The following BBS9 variants were observed in gnomAD, a reference collection of about 807,000 sequenced individuals.
BBS9 encodes the protein protein PTHB1.
In BBS9, 89 loss-of-function variants were observed where a neutral mutation model predicts 117.7. The observed-to-expected ratio is 0.76, with a 90% CI of 0.64 to 0.90. BBS9 has a LOEUF of 0.90. Among genes scored for constraint, BBS9 ranks in the 40% least tolerant of loss-of-function variants. The pLI is 0.00. For missense variants in BBS9, 982 were observed against 1,042.2 expected (o/e 0.94, Z 0.80); for synonymous variants, 379 against 370.9 (o/e 1.02, Z -0.25).
At chr7:33,558,990 T>C (rs114017392) in intron 21 of BBS9, among the ~76,000 whole-genome samples, 3,578 of 152,328 alleles carry the variant, frequency 0.023, 48 homozygotes, top group East Asian at 0.046. Flanking sequence ...CTAAGTACAA[T>C]TGGGCCCAAC....
chr7:33,384,704 G>C (rs1825704997), intron 18 of BBS9, among the ~76,000 whole-genome samples: 1 of 144,150 alleles, frequency 6.9e-6, no homozygotes, highest in Non-Finnish European at 1.5e-5. Flanking sequence ...GTGTCTGTGT[G>C]TGTGTGTGTG....
chr7:33,131,947 T>C (rs918894190), intron 1 of BBS9, among the ~76,000 whole-genome samples: 2 of 152,202 alleles, frequency 1.3e-5, no homozygotes, highest in African/African-American at 4.8e-5. Context: ...GTGAAGAGTA[T>C]AGAAGAGAAT....
At chr7:33,497,384 A>G (rs1440770862) in intron 19 of BBS9, among the ~76,000 whole-genome samples, 2 of 152,156 alleles carry the variant, frequency 1.3e-5, no homozygotes, top group Non-Finnish European at 2.9e-5. Context: ...CCCAGCATTT[A>G]TGGGACACCC....
At chr7:33,441,738 T>C (rs1469769122) in intron 19 of BBS9, among the ~76,000 whole-genome samples, 1 of 152,188 alleles carries the variant, frequency 6.6e-6, no homozygotes, top group Admixed American at 6.5e-5. Flanking sequence ...ATTACCTTTT[T>C]GATTTGATTT....
intron 20 of BBS9, among the ~76,000 whole-genome samples, chr7:33,521,340 G>A (rs1278498995): frequency 2.6e-5 from 4 of 152,188 alleles, no homozygotes; most frequent in African/African-American, 9.7e-5. Context: ...GCTTGTATTT[G>A]TTAAGGAGGT....
intron 21 of BBS9, among the ~76,000 whole-genome samples, chr7:33,597,312 A>G (rs1863015629): frequency 6.6e-6 from 1 of 152,140 alleles, no homozygotes; most frequent in Admixed American, 6.5e-5. Context: ...ACTGGTGTAT[A>G]TTTTTGAGGT....
At chr7:33,196,875 T>C (rs1384568360) in intron 5 of BBS9, among the ~76,000 whole-genome samples, 2 of 152,198 alleles carry the variant, frequency 1.3e-5, no homozygotes, top group African/African-American at 2.4e-5. Context: ...AGTGATTTCC[T>C]GTATGTTATG....
At chr7:33,365,691 G>A (rs1034338165) in intron 16 of BBS9, among the ~76,000 whole-genome samples, 1 of 152,196 alleles carries the variant, frequency 6.6e-6, no homozygotes, top group East Asian at 1.9e-4. Flanking sequence ...ATGTGTAAAG[G>A]GACTTTGGTT....
At chr7:33,306,862 C>G (rs1009859482) in intron 9 of BBS9, among the ~76,000 whole-genome samples, 1 of 152,094 alleles carries the variant, frequency 6.6e-6, no homozygotes, top group Non-Finnish European at 1.5e-5. Flanking sequence ...CCCTGTGACT[C>G]TAGCATGATA....
intron 9 of BBS9, among the ~76,000 whole-genome samples, chr7:33,288,561 A>G (rs1257931899): frequency 6.6e-6 from 1 of 152,248 alleles, no homozygotes; most frequent in Non-Finnish European, 1.5e-5. Context: ...TGCTTAGTGA[A>G]GAAAGACTTA....
intron 21 of BBS9, among the ~76,000 whole-genome samples, chr7:33,597,862 G>A (rs1863109299): frequency 6.9e-6 from 1 of 145,464 alleles, no homozygotes. Context: ...TGCAGAAAGT[G>A]CATGTATACC....
intron 19 of BBS9, among the ~76,000 whole-genome samples, chr7:33,477,298 G>C (rs183288993): frequency 1.3e-5 from 2 of 152,212 alleles, no homozygotes; most frequent in Admixed American, 1.3e-4. Flanking sequence ...GATTGAGCCA[G>C]GCAGTCACTT....
rs80223794 is a variant in BBS9 at position 33,443,815 on chromosome 7, G to A, written c.2115+55671G>A. Among the ~76,000 whole-genome samples, 45 of 152,262 alleles carry A rather than the reference G, an allele frequency of 3.0e-4. 1 individual carries two copies. In the East Asian group the frequency reaches 8.7e-3, roughly 29 times the overall value. On this transcript the variant is annotated intron_variant, in intron 19 of 22. Coordinates refer to ENST00000242067, the MANE Select transcript of BBS9 (RefSeq NM_198428.3). ...ACTTTTAAAAAATTACTTTACTTGA[G>A]ACAAGTTTAAGGCAATAAAGTGAAT...
chr7:33,588,249 G>T (rs1277893247), intron 21 of BBS9, among the ~76,000 whole-genome samples: 8 of 152,046 alleles, frequency 5.3e-5, no homozygotes, highest in Admixed American at 5.2e-4. Flanking sequence ...CTAAAGCAAA[G>T]AACTTTTTGA....
At chr7:33,368,715 G>T (rs575482043) in intron 17 of BBS9, among the ~76,000 whole-genome samples, 6 of 151,838 alleles carry the variant, frequency 4.0e-5, no homozygotes, top group Non-Finnish European at 7.4e-5. Flanking sequence ...TGCATTTGCA[G>T]TTGTAGTTGG....
In BBS9 at chr7:33,467,572, G is replaced by A. The variant is rs1189293079; in HGVS notation, c.2116-37891G>A. ...AGTGCTGTGGGAACCCCCCAACTCC[G>A]CCACCTCCACTATTGTAGTTGTTTT... On this transcript the variant is annotated intron_variant, in intron 19 of 22. Coordinates refer to ENST00000242067, the MANE Select transcript of BBS9 (RefSeq NM_198428.3). Among the ~76,000 whole-genome samples the A allele has an allele frequency of 1.4e-3, 132 of 91,682 alleles. 1 individual carries two copies. Among genetic ancestry groups the A allele is most frequent in the African/African-American group, 6.6e-3 (127 of 19,152 alleles). 60.1% of individuals were successfully genotyped at this position (91,682 alleles called of 152,430 possible).
chr7:33,526,086 T>C (rs1217178909), intron 20 of BBS9, among the ~76,000 whole-genome samples: 3 of 151,630 alleles, frequency 2.0e-5, no homozygotes, highest in South Asian at 2.1e-4. Flanking sequence ...CTCCACTCTC[T>C]TCTGGCTTGT....
At chr7:33,313,395 G>T (rs1809738208) in intron 9 of BBS9, among the ~76,000 whole-genome samples, 1 of 152,020 alleles carries the variant, frequency 6.6e-6, no homozygotes, top group African/African-American at 2.4e-5. Flanking sequence ...AACATATTTT[G>T]CTTCTGGAGT....
At chr7:33,301,783 G>T (rs946732593) in intron 9 of BBS9, among the ~76,000 whole-genome samples, 1 of 152,178 alleles carries the variant, frequency 6.6e-6, no homozygotes, top group East Asian at 1.9e-4. Context: ...TTTCTTTTGT[G>T]TATATAAGAG....
Sources: allele counts gnomAD v4.1 joint callset (sites outside exome capture counted in the v4.1 genomes callset), GRCh38; gene constraint gnomAD v4.1.1; transcripts MANE v1.5; gene names NCBI Gene and HGNC (gene_info 2026-07-23, HGNC 2026-07-21).